DLGAP2: variants seen among roughly 807,000 people sequenced by gnomAD.
DLGAP2 encodes disks large-associated protein 2.
Under a neutral mutation model 100.3 loss-of-function variants are expected in DLGAP2, and 26 were observed. The ratio of observed to expected loss-of-function variants is 0.26; its 90% confidence interval spans 0.19 to 0.36. DLGAP2 has a LOEUF of 0.36. Ranked by LOEUF, DLGAP2 falls within the 10% of genes least tolerant of loss-of-function variation. The probability of loss-of-function intolerance (pLI) is 1.00; values close to 1 mark genes in which losing one functional copy is unlikely to be tolerated. For missense variants in DLGAP2, 1,858 were observed against 1,453.2 expected (o/e 1.28, Z -4.53); for synonymous variants, 886 against 630.1 (o/e 1.41, Z -6.08).
At chr8:1,509,867 A>G (rs796244956) in intron 4 of DLGAP2, among the ~76,000 whole-genome samples, 6 of 152,340 alleles carry the variant, frequency 3.9e-5, no homozygotes, top group African/African-American at 1.4e-4. Context: ...GTGACCAGGT[A>G]ACCCAGCATC....
chr8:1,010,479 CTAAAA>C (rs1801249085), intron 2 of DLGAP2, among the ~76,000 whole-genome samples: 1 of 152,236 alleles, frequency 6.6e-6, no homozygotes, highest in South Asian at 2.1e-4. Context: ...CATGTGCACT[CTAAAA>C]TACTACACAT....
intron 2 of DLGAP2, among the ~76,000 whole-genome samples, chr8:1,258,063 G>A (rs1039288949): frequency 5.3e-5 from 8 of 152,222 alleles, no homozygotes; most frequent in African/African-American, 1.9e-4. Context: ...CAAAGTGTTT[G>A]TGTCTATTCT....
intron 1 of DLGAP2, among the ~76,000 whole-genome samples, chr8:761,993 C>G (rs1821098635): frequency 6.6e-6 from 1 of 152,204 alleles, no homozygotes; most frequent in South Asian, 2.1e-4. Context: ...AACTGATGAA[C>G]CCGCCTCGGG....
intron 3 of DLGAP2, among the ~76,000 whole-genome samples, chr8:1,286,200 C>T (rs931017228): frequency 6.6e-6 from 1 of 152,170 alleles, no homozygotes; most frequent in African/African-American, 2.4e-5. Flanking sequence ...TCCCCCTTTG[C>T]TTGGCACTCA....
chr8:866,721 G>C (rs868897), intron 1 of DLGAP2, among the ~76,000 whole-genome samples: 30 of 152,184 alleles, frequency 2.0e-4, no homozygotes, highest in African/African-American at 7.0e-4. Flanking sequence ...TTTCCCAGAC[G>C]CTGTGTGCTG....
chr8:1,427,897 C>G (rs920607096), intron 3 of DLGAP2, among the ~76,000 whole-genome samples: 3 of 152,100 alleles, frequency 2.0e-5, no homozygotes, highest in African/African-American at 7.2e-5. Context: ...TAATTCATAA[C>G]TTAACAGTGC....
intron 1 of DLGAP2, among the ~76,000 whole-genome samples, chr8:854,239 C>A (rs904363609): frequency 1.3e-5 from 2 of 152,144 alleles, no homozygotes; most frequent in Non-Finnish European, 2.9e-5. Context: ...GGGGACAGCG[C>A]ATTGCGGGGT....
intron 1 of DLGAP2, among the ~76,000 whole-genome samples, chr8:801,141 G>C (rs1406531963): frequency 3.3e-5 from 5 of 152,228 alleles, no homozygotes; most frequent in Non-Finnish European, 5.9e-5. Flanking sequence ...AAGGCGTTGT[G>C]CCTGCGTGTT....
chr8:933,507 C>G (rs1584901743), intron 2 of DLGAP2, among the ~76,000 whole-genome samples: 1 of 84,320 alleles, frequency 1.2e-5, no homozygotes, highest in South Asian at 4.4e-4. Flanking sequence ...AGGGTGAGGG[C>G]AGAGCCTGCT....
chr8:1,523,354 C>T (rs997497908), intron 4 of DLGAP2, among the ~76,000 whole-genome samples: 1 of 152,252 alleles, frequency 6.6e-6, no homozygotes, highest in Non-Finnish European at 1.5e-5. Flanking sequence ...CCACTTCCCA[C>T]CCCGCGCCTC....
At chr8:1,113,394 C>G (rs770700036) in intron 2 of DLGAP2, among the ~76,000 whole-genome samples, 1 of 152,150 alleles carries the variant, frequency 6.6e-6, no homozygotes, top group South Asian at 2.1e-4. Context: ...TTTGGTAATT[C>G]TCATTGAAGA....
chr8:854,342 C>T (rs1797236616), intron 1 of DLGAP2, among the ~76,000 whole-genome samples: 1 of 152,026 alleles, frequency 6.6e-6, no homozygotes, highest in African/African-American at 2.4e-5. Context: ...TCCTTTTATT[C>T]AGGAGGCAAA....
chr8:1,446,049 C>G (rs1321901508), intron 3 of DLGAP2, among the ~76,000 whole-genome samples: 1 of 151,636 alleles, frequency 6.6e-6, no homozygotes, highest in Non-Finnish European at 1.5e-5. Flanking sequence ...GTTGCCTGTT[C>G]ACTCTGATGG....
In DLGAP2 at chr8:1,707,080, C is replaced by T. The variant is rs757924347; in HGVS notation, c.*5674C>T. ...ATGTTCGTTACCTACTATCAAACTA[C>T]TTTTTAACAGATTTTGTATATACAC... On this transcript the variant is annotated 3_prime_UTR_variant, in exon 15 of 15. Transcript: ENST00000637795. 1 of 152,556 alleles carries T rather than the reference C, an allele frequency of 6.6e-6. No individual in the cohort carries two copies. The highest frequency in any genetic ancestry group is 2.4e-5 in the African/African-American group (1 of 41,420). 9.5% of individuals were successfully genotyped at this position (152,556 alleles called of 1,614,324 possible).
At chr8:927,421 G>A (rs1436088800) in intron 2 of DLGAP2, among the ~76,000 whole-genome samples, 2 of 152,102 alleles carry the variant, frequency 1.3e-5, no homozygotes, top group Non-Finnish European at 2.9e-5. Flanking sequence ...GAGCATACGC[G>A]GCACACACCA....
intron 3 of DLGAP2, among the ~76,000 whole-genome samples, chr8:1,332,875 G>C (rs933477863): frequency 3.3e-5 from 5 of 152,222 alleles, no homozygotes; most frequent in Non-Finnish European, 7.3e-5. Flanking sequence ...GCAGACACGT[G>C]TGTTGAAAGC....
chr8:997,270 A>G (rs1800808052), intron 2 of DLGAP2, among the ~76,000 whole-genome samples: 1 of 152,232 alleles, frequency 6.6e-6, no homozygotes, highest in Non-Finnish European at 1.5e-5. Context: ...ATGAATTAAA[A>G]TATTGAAATT....
At chr8:1,187,276 G>T (rs554791219) in intron 2 of DLGAP2, among the ~76,000 whole-genome samples, 1 of 150,056 alleles carries the variant, frequency 6.7e-6, no homozygotes, top group African/African-American at 2.5e-5. Flanking sequence ...CCTCTGTGAC[G>T]TTTGTCTCAT....
At chr8:1,183,492 G>C (rs1797434372) in intron 2 of DLGAP2, among the ~76,000 whole-genome samples, 1 of 152,194 alleles carries the variant, frequency 6.6e-6, no homozygotes, top group Non-Finnish European at 1.5e-5. Context: ...TTGTCAGGAA[G>C]GGTTCCAAGC....
Sources: gnomAD v4.1 joint callset for allele counts (sites outside exome capture counted in the v4.1 genomes callset) on GRCh38, gnomAD v4.1.1 for gene constraint, MANE v1.5 for transcripts, NCBI Gene and HGNC (gene_info 2026-07-23, HGNC 2026-07-21) for gene names.